The following INF2 variants were observed in gnomAD, a reference collection of about 807,000 sequenced individuals.
The protein encoded by INF2 is inverted formin 2, also known as inverted formin-2.
Under a neutral mutation model 123.5 loss-of-function variants are expected in INF2, and 43 were observed. The observed-to-expected ratio is 0.35, with a 90% CI of 0.27 to 0.45. The LOEUF is 0.45. Among genes scored for constraint, INF2 ranks in the 20% least tolerant of loss-of-function variants. The pLI, the probability that INF2 is intolerant of heterozygous loss-of-function variation, is 1.00. For missense variants in INF2, 1,453 were observed against 1,682.7 expected (o/e 0.86, Z 2.39); for synonymous variants, 851 against 745.0 (o/e 1.14, Z -2.32).
chr14:104,714,253 G>C lies in INF2; in HGVS notation c.3091G>C (p.Ala1031Pro), dbSNP rs1050761365. Residue 1031 changes from alanine to proline, a missense_variant, in exon 21 of 23, where the codon GCC becomes CCC. Physicochemically the swap from Ala to Pro is conservative, Grantham distance 27 (BLOSUM62 -1). Coordinates refer to ENST00000392634, the MANE Select transcript of INF2 (RefSeq NM_022489.4). ...TCCCGTGGGCAGCACGCGCTGTCCC[G>C]CCTCTGAGCCCGGCCTTGATGCTAC... ...GDPVGSTRCPASEPGLDATTA... is the reference protein window; with the variant it reads ...GDPVGSTRCPPSEPGLDATTA... 8 of 1,588,978 alleles carry C rather than the reference G, an allele frequency of 5.0e-6. No homozygotes were observed. The highest frequency in any genetic ancestry group is 6.8e-6 in the Non-Finnish European group (8 of 1,169,366).
chr14:104,682,027 T>C (rs1211879963), intron 1 of INF2, among the ~76,000 whole-genome samples: 1 of 149,790 alleles, frequency 6.7e-6, no homozygotes, highest in African/African-American at 2.5e-5. Flanking sequence ...TTCCCTGGGG[T>C]GGGGGTCCCA....
At chr14:104,717,024 A>G (rs1890329572) in intron 22 of INF2, among the ~76,000 whole-genome samples, 1 of 152,120 alleles carries the variant, frequency 6.6e-6, no homozygotes, top group Non-Finnish European at 1.5e-5. Flanking sequence ...CTTCAACACC[A>G]CAGGAAACTG....
intron 1 of INF2, among the ~76,000 whole-genome samples, chr14:104,694,249 A>G (rs1457718965): frequency 2.0e-5 from 3 of 152,204 alleles, no homozygotes; most frequent in Non-Finnish European, 4.4e-5. Flanking sequence ...CATTTTACAG[A>G]TGAGAAAACT....
Position 104,715,289 on chromosome 14 carries a change from C to A in INF2, c.3700C>A (p.Pro1234Thr). ...KRPSRSQEEV[P>T]PDSDDNKTKK... is the part of the protein sequence containing the mutation. ...TTTCTTTTATTTGGAAGCAGAGGTTCCCCCTGATTCTGATGATAATAAAAC... is the reference window on the plus strand; with the variant it reads ...TTTCTTTTATTTGGAAGCAGAGGTTACCCCTGATTCTGATGATAATAAAAC... The change falls in exon 22 of 23, where the codon CCC becomes ACC. Residue 1234 changes from proline to threonine, a missense_variant. Physicochemically the swap from Pro to Thr is conservative, Grantham distance 38. Coordinates refer to ENST00000392634, the MANE Select transcript of INF2 (RefSeq NM_022489.4). 6.2e-7 allele frequency: 1 copy of A among 1,613,340 alleles called. No homozygotes were observed. The highest frequency in any genetic ancestry group is 8.5e-7 in the Non-Finnish European group (1 of 1,179,522).
chr14:104,712,379 A>C lies in INF2; in HGVS notation c.2490-54A>C, dbSNP rs1026718314. 38 of 1,607,738 alleles carry C rather than the reference A, an allele frequency of 2.4e-5. No individual in the cohort carries two copies. The Admixed American group carries it at 6.2e-4, about 26-fold the overall frequency. Reference sequence around the variant, plus strand: ...TGCAGGGGAGGGGCTCCCCTGTCCCAGCGAGGCTGACGTCAGCCGTTGCTG... The same window carrying C: ...TGCAGGGGAGGGGCTCCCCTGTCCCCGCGAGGCTGACGTCAGCCGTTGCTG... On this transcript the variant is annotated intron_variant, in intron 16 of 22. Coordinates refer to ENST00000392634, the MANE Select transcript of INF2 (RefSeq NM_022489.4).
In INF2 at chr14:104,701,773, G is replaced by A. The variant is rs4074531; in HGVS notation, c.391+17G>A. On this transcript the variant is annotated intron_variant, in intron 2 of 22. Transcript: ENST00000392634. The stretch of plus-strand genomic sequence containing the variant: ...TCTCCCAGGGTGAGCCGCAGTGTGG[G>A]AGGGCCGCCCAGGCGGACGCTGGGG... 0.012 allele frequency: 17,798 copies of A among 1,478,464 alleles called. 705 individuals carry two copies. In the East Asian group the frequency reaches 0.13, roughly 11 times the overall value. 91.6% of individuals were successfully genotyped at this position (1,478,464 alleles called of 1,614,324 possible).
chr14:104,705,837 C>T (rs1889755294), intron 5 of INF2, among the ~76,000 whole-genome samples, 198 bp from the exon 6 acceptor site: 1 of 152,212 alleles, frequency 6.6e-6, no homozygotes, highest in African/African-American at 2.4e-5. Context: ...GGGCGCAAGG[C>T]ACTGACCTGG....
intron 1 of INF2, among the ~76,000 whole-genome samples, chr14:104,701,078 G>A (rs1029677341): frequency 2.6e-5 from 4 of 152,090 alleles, no homozygotes; most frequent in Admixed American, 6.5e-5. Flanking sequence ...TTTCTGAGCC[G>A]GCTCCTCCCC....
intron 12 of INF2, 131 bp from the exon 13 acceptor site, chr14:104,709,957 G>A: frequency 1.2e-6 from 1 of 849,430 alleles, no homozygotes; most frequent in Admixed American, 2.0e-5. Context: ...GAGGGTGCCT[G>A]TTGGATGGGG....
Position 104,683,381 on chromosome 14 carries a change from T to TGGGTCCCC in INF2, c.-104+1800_-104+1807dup, listed in dbSNP as rs759077325. Among the ~76,000 whole-genome samples the TGGGTCCCC allele has an allele frequency of 4.4e-3, 677 of 152,258 alleles. 3 individuals carry two copies. The highest frequency in any genetic ancestry group is 5.4e-3 in the Non-Finnish European group (370 of 68,016). On this transcript the variant is annotated intron_variant, in intron 1 of 2. Transcript: ENST00000674723. The stretch of plus-strand genomic sequence containing the variant: ...CAAGAGCCTAGCTCCCCTGGGTGCC[T>TGGGTCCCC]GGGTCCCCCACCAGGGGTGTCAAAG...
intron 4 of INF2, 106 bp downstream of exon 4, chr14:104,703,560 C>T (rs1566778937): frequency 1.0e-5 from 15 of 1,443,906 alleles, no homozygotes; most frequent in African/African-American, 4.2e-5. Flanking sequence ...AAGCTGCCCC[C>T]GACCCAGGGC....
rs1384501317 is a variant in INF2, at chr14:104,722,206, GT to G, written c.*3418del. The G allele has an allele frequency of 6.6e-6, 1 of 152,236 alleles. No individual in the cohort carries two copies. Among genetic ancestry groups the G allele is most frequent in the African/African-American group, 2.4e-5 (1 of 41,440 alleles). 9.4% of individuals were successfully genotyped at this position (152,236 alleles called of 1,614,324 possible). On this transcript the variant is annotated 3_prime_UTR_variant, in exon 23 of 23. Transcript: ENST00000392634. ...CCAGCTGTTGGGCCTGGGCAGGACT[GT>G]TTTTAGAAAAGCCCCAACTCCCTGC...
intron 1 of INF2, among the ~76,000 whole-genome samples, chr14:104,695,542 G>A (rs1457458675): frequency 8.1e-6 from 1 of 123,260 alleles, no homozygotes; most frequent in East Asian, 2.2e-4. Flanking sequence ...TGGGGCCTCC[G>A]CCCTTCCTGT....
At chr14:104,704,307 C>A in intron 5 of INF2, 2 of 621,760 alleles carry the variant, frequency 3.2e-6, no homozygotes, top group Non-Finnish European at 4.9e-6. Context: ...TTCACGTGGA[C>A]GCAAGATGGA....
chr14:104,712,022 A>C (rs1339014846), intron 16 of INF2, among the ~76,000 whole-genome samples: 1 of 152,100 alleles, frequency 6.6e-6, no homozygotes, highest in African/African-American at 2.4e-5. Context: ...GGCCTCCCTC[A>C]TTGTATAGAT....
intron 6 of INF2, 71 bp downstream of exon 6, chr14:104,706,247 G>A: frequency 2.1e-6 from 3 of 1,449,334 alleles, no homozygotes; most frequent in Admixed American, 4.1e-5. Flanking sequence ...CAGAGGCTGG[G>A]CCTGGAACGG....
intron 5 of INF2, chr14:104,704,877 T>C (rs1466082037): frequency 6.6e-6 from 1 of 152,256 alleles, no homozygotes; most frequent in African/African-American, 2.4e-5. Flanking sequence ...CAGACGATAT[T>C]TTGGTGTAAG....
chr14:104,718,236 A>G (rs1002626601), intron 22 of INF2, among the ~76,000 whole-genome samples: 1 of 152,246 alleles, frequency 6.6e-6, no homozygotes, highest in African/African-American at 2.4e-5. Context: ...AGTGGGGGTG[A>G]CACTCAGACA....
At chr14:104,717,901 C>T (rs1285641990) in intron 22 of INF2, among the ~76,000 whole-genome samples, 8 of 152,182 alleles carry the variant, frequency 5.3e-5, no homozygotes, top group Non-Finnish European at 8.8e-5. Flanking sequence ...TTTTCCATCA[C>T]GTGAGTTTTG....
Sources: gnomAD v4.1 joint callset for allele counts (sites outside exome capture counted in the v4.1 genomes callset) on GRCh38, gnomAD v4.1.1 for gene constraint, MANE v1.5 for transcripts, NCBI Gene and HGNC (gene_info 2026-07-23, HGNC 2026-07-21) for gene names.